The following NFATC1 variants were observed in gnomAD, a reference collection of about 807,000 sequenced individuals.
NFATC1 encodes nuclear factor of activated T-cells, cytoplasmic 1.
A neutral mutation model predicts 76.0 loss-of-function variants in NFATC1; 22 were observed. The ratio of observed to expected loss-of-function variants is 0.29; its 90% CI spans 0.21 to 0.41. NFATC1 has a LOEUF of 0.41. Ranked by LOEUF, NFATC1 falls within the 10% of genes least tolerant of loss-of-function variation. NFATC1 has a pLI of 1.00. For synonymous variants in NFATC1, 704 were observed against 613.1 expected, an observed-to-expected ratio of 1.15 and a Z score of -2.19; for missense variants, 1,357 against 1,337.7, an observed-to-expected ratio of 1.01 and a Z score of -0.23.
chr18:79,484,998 C>A (rs578012625), intron 8 of NFATC1, among the ~76,000 whole-genome samples: 3 of 152,246 alleles, frequency 2.0e-5, no homozygotes, highest in Non-Finnish European at 4.4e-5. Context: ...CATGGACTCA[C>A]GGGCTCAAGC....
At chr18:79,437,795 A>C (rs28505636) in intron 3 of NFATC1, among the ~76,000 whole-genome samples, 1 of 152,024 alleles carries the variant, frequency 6.6e-6, no homozygotes, top group African/African-American at 2.4e-5. Flanking sequence ...AGCTGGAACC[A>C]GGAGTTCGCG....
chr18:79,437,428 C>T (rs1423938174), intron 3 of NFATC1, among the ~76,000 whole-genome samples: 1 of 152,194 alleles, frequency 6.6e-6, no homozygotes, highest in Non-Finnish European at 1.5e-5. Context: ...ACCGGCTCCT[C>T]CTGCCCCTGC....
chr18:79,521,994 T>C (rs1268962288), intron 9 of NFATC1, among the ~76,000 whole-genome samples: 1 of 92,924 alleles, frequency 1.1e-5, no homozygotes, highest in Admixed American at 1.5e-4. Context: ...TCTGCTGATA[T>C]GTGTGTCTGT....
At chr18:79,421,196 T>G (rs1215013096) in intron 2 of NFATC1, 5 of 152,314 alleles carry the variant, frequency 3.3e-5, no homozygotes, top group Non-Finnish European at 7.3e-5. Context: ...ATTGTGCCTT[T>G]GTCCCCTCTG....
chr18:79,434,345 C>T (rs548834205), intron 3 of NFATC1, among the ~76,000 whole-genome samples: 9 of 152,224 alleles, frequency 5.9e-5, no homozygotes, highest in Non-Finnish European at 1.3e-4. Context: ...ACCTTCCTCA[C>T]ACCTTGCGGG....
At chr18:79,417,024 T>TGCGTTTGGCTGAGCAGGCCA (rs1452128125) in intron 2 of NFATC1, among the ~76,000 whole-genome samples, 6 of 152,168 alleles carry the variant, frequency 3.9e-5, no homozygotes, top group Non-Finnish European at 8.8e-5. Flanking sequence ...CTCTGGAGCT[T>TGCGTTTGGCTGAGCAGGCCA]GCGTTTGGCT....
At position 79,486,713 on chromosome 18, in the gene NFATC1, C is replaced by T; in HGVS notation, c.2558C>T (p.Pro853Leu). ...AGCAGCCCCTCTCCTCCACTCCCGC[C>T]TGCCACCCAAGAGCCGACCTGCCTG... is the stretch of plus-strand genomic sequence containing the variant. ...CPSSPSPPLPPATQEPTCLQP... is the reference protein window; with the variant it reads ...CPSSPSPPLPLATQEPTCLQP... The change falls in exon 9 of 10, where the codon CCT becomes CTT. Residue 853 changes from proline (P) to leucine (L), a missense_variant. Transcript: ENST00000427363. 1 of 1,598,468 alleles carries T rather than the reference C, an allele frequency of 6.3e-7. No individual in the cohort carries two copies. The highest frequency in any genetic ancestry group is 8.5e-7 in the Non-Finnish European group (1 of 1,175,010).
chr18:79,494,731 G>A (rs111581205), intron 9 of NFATC1, among the ~76,000 whole-genome samples: 2,571 of 69,126 alleles, frequency 0.037, 244 homozygotes, highest in African/African-American at 0.24. Flanking sequence ...AGGCGAGAGC[G>A]GGCACACGCC....
rs999091013 is a variant in NFATC1 at position 79,427,395 on chromosome 18, G to T, written c.1227-6184G>T. 2.3e-5 allele frequency among the ~76,000 whole-genome samples: 3 copies of T among 128,250 alleles called. 1 individual carries two copies. The highest frequency in any genetic ancestry group is 3.7e-5 in the African/African-American group (1 of 26,842). 84.1% of individuals were successfully genotyped at this position (128,250 alleles called of 152,430 possible). A position where few individuals can be genotyped will look rare whatever the true frequency, so the allele number is the denominator to read the frequency against. On this transcript the variant is annotated intron_variant, in intron 2 of 9. Transcript: ENST00000427363. The stretch of plus-strand genomic sequence containing the variant: ...CGGCTGGCCTCTGTGCAGTGGGTTG[G>T]GGGGAGCTGGATGGCTGGCCTCTGT...
intron 3 of NFATC1, among the ~76,000 whole-genome samples, chr18:79,444,225 T>TG (rs993660750): frequency 3.3e-5 from 5 of 151,984 alleles, no homozygotes; most frequent in African/African-American, 4.8e-5. Flanking sequence ...GTGCACGCTC[T>TG]GGGGGGGTGT....
chr18:79,444,135 T>G (rs1052493943), intron 3 of NFATC1, among the ~76,000 whole-genome samples: 8 of 152,236 alleles, frequency 5.3e-5, no homozygotes, highest in African/African-American at 1.9e-4. Context: ...AACTTTTTTC[T>G]AGAACTTCCC....
intron 3 of NFATC1, among the ~76,000 whole-genome samples, chr18:79,445,596 G>A (rs1001872546): frequency 2.0e-5 from 3 of 152,224 alleles, no homozygotes; most frequent in African/African-American, 4.8e-5. Context: ...AGCATGGGGG[G>A]AATCGGGGTT....
chr18:79,443,598 G>A (rs1019833590), intron 3 of NFATC1, among the ~76,000 whole-genome samples: 2 of 152,216 alleles, frequency 1.3e-5, no homozygotes, highest in African/African-American at 2.4e-5. Flanking sequence ...TGTAACCTCC[G>A]CCGTTCAGGC....
rs1248049070 is a variant in NFATC1, at chr18:79,521,436, CTG to C, written c.2783-6081_2783-6080del. ...GGGGGGCATCCACTGATGTGTGTGT[CTG>C]TGTGTGTGTGGGGAGCATCCACTGA... On this transcript the variant is annotated intron_variant, in intron 9 of 9. Transcript: ENST00000427363. 4.3e-4 allele frequency among the ~76,000 whole-genome samples: 21 copies of C among 49,246 alleles called. 1 individual carries two copies. The highest frequency in any genetic ancestry group is 1.2e-3 in the Admixed American group (4 of 3,230). The allele number at this position is 49,246 out of a possible 152,430, so 32.3% of individuals were successfully genotyped here. A position where few individuals can be genotyped will look rare whatever the true frequency, so the allele number is the denominator to read the frequency against.
chr18:79,479,980 G>A lies in NFATC1; in HGVS notation c.2093-6268G>A, dbSNP rs564396770. Among the ~76,000 whole-genome samples, 13 of 152,328 alleles carry A rather than the reference G, an allele frequency of 8.5e-5. No homozygotes were observed. In the East Asian group the frequency reaches 1.2e-3, roughly 14 times the overall value. ...TTCATGGGCAAGGCTGGGAGAAGCCGCGTGGAGACCCCAGCCCAGGGAGGG... is the reference window on the plus strand; with the variant it reads ...TTCATGGGCAAGGCTGGGAGAAGCCACGTGGAGACCCCAGCCCAGGGAGGG... On this transcript the variant is annotated intron_variant, in intron 8 of 9. Coordinates refer to ENST00000427363, the MANE Select transcript of NFATC1 (RefSeq NM_001278669.2).
At chr18:79,432,323 C>T (rs2086618714) in intron 2 of NFATC1, among the ~76,000 whole-genome samples, 1 of 51,670 alleles carries the variant, frequency 1.9e-5, no homozygotes, top group African/African-American at 8.6e-5. Flanking sequence ...TCGGGGTGAG[C>T]CTGTGTGGTG....
intron 2 of NFATC1, among the ~76,000 whole-genome samples, chr18:79,420,423 G>A (rs2086040537): frequency 6.6e-6 from 1 of 151,172 alleles, no homozygotes; most frequent in South Asian, 2.1e-4. Flanking sequence ...AGGGGAAGAG[G>A]GGGACGCCTT....
At chr18:79,520,614 G>A (rs34764406) in intron 9 of NFATC1, among the ~76,000 whole-genome samples, 6 of 81,606 alleles carry the variant, frequency 7.4e-5, no homozygotes, top group East Asian at 3.5e-4. Context: ...TGTGTGTGTG[G>A]GGGGGGCATC....
At chr18:79,420,819 G>A (rs1252091910) in intron 2 of NFATC1, 1 of 152,548 alleles carries the variant, frequency 6.6e-6, no homozygotes, top group African/African-American at 2.4e-5. Context: ...TGACGTCGCT[G>A]CAGAGGGGAA....
Sources: allele counts gnomAD v4.1 joint callset (sites outside exome capture counted in the v4.1 genomes callset), GRCh38; gene constraint gnomAD v4.1.1; transcripts MANE v1.5; gene names NCBI Gene and HGNC (gene_info 2026-07-23, HGNC 2026-07-21).